FAM210A: variants seen among roughly 807,000 people sequenced by gnomAD.
FAM210A encodes mitochondrial inner membrane scaffold 1, also known as family with sequence similarity 210 member A.
A neutral mutation model predicts 25.3 loss-of-function variants in FAM210A; 13 were observed. The ratio of observed to expected loss-of-function variants is 0.51; its 90% CI spans 0.33 to 0.82. The LOEUF (loss-of-function observed/expected upper bound fraction) is 0.82. FAM210A is among the 40% of genes least tolerant of loss of function. The probability of loss-of-function intolerance (pLI) is 0.02; values close to 1 mark genes in which losing one functional copy is unlikely to be tolerated. For synonymous variants in FAM210A, 125 were observed against 118.7 expected (o/e 1.05, Z -0.35); for missense variants, 319 against 323.2 (o/e 0.99, Z 0.10).
chr18:13,681,586 C>T lies in FAM210A; in HGVS notation c.473+19G>A. Reference sequence around the variant, plus strand: ...TTCTGGTAAGACAGGGAAAGACATTCAACTAAGCAAAAACTTACTTCAAGG... The same window carrying T: ...TTCTGGTAAGACAGGGAAAGACATTTAACTAAGCAAAAACTTACTTCAAGG... On this transcript the variant is annotated intron_variant, in intron 2 of 3. Coordinates refer to ENST00000651643, the MANE Select transcript of FAM210A (RefSeq NM_152352.4). 1.3e-6 allele frequency: 2 copies of T among 1,555,342 alleles called. No individual in the cohort carries two copies. Among genetic ancestry groups the T allele is most frequent in the Non-Finnish European group, 1.7e-6 (2 of 1,150,606 alleles).
intron 1 of FAM210A, among the ~76,000 whole-genome samples, chr18:13,708,719 G>A (rs921007006): frequency 1.3e-5 from 2 of 152,112 alleles, no homozygotes; most frequent in African/African-American, 4.8e-5. Context: ...ATCTGATACT[G>A]CTCCACAAGT....
chr18:13,701,520 A>G (rs1019975356), intron 1 of FAM210A, among the ~76,000 whole-genome samples: 1 of 152,114 alleles, frequency 6.6e-6, no homozygotes, highest in Non-Finnish European at 1.5e-5. Flanking sequence ...GTGTTTAAGT[A>G]GGGGCAAAAA....
intron 1 of FAM210A, among the ~76,000 whole-genome samples, chr18:13,683,887 A>T (rs1185584879): frequency 6.6e-6 from 1 of 152,224 alleles, no homozygotes; most frequent in African/African-American, 2.4e-5. Context: ...TCTGGTGTAC[A>T]AAGTTGACTG....
intron 1 of FAM210A, among the ~76,000 whole-genome samples, chr18:13,709,858 C>T (rs2043808240): frequency 6.6e-6 from 1 of 152,164 alleles, no homozygotes; most frequent in Non-Finnish European, 1.5e-5. Flanking sequence ...TTTCTACTGC[C>T]ATTCTCTTTC....
Position 13,666,392 on chromosome 18 carries a change from C to CA in FAM210A, c.*87dup. ...GAACTAGTATATTTCGGCAACTAAC[C>CA]AAAAAAATAATCAGACACATGTATC... On this transcript the variant is annotated 3_prime_UTR_variant, in exon 4 of 4. Coordinates refer to ENST00000651643, the MANE Select transcript of FAM210A (RefSeq NM_152352.4). 3 of 1,111,226 alleles carry CA rather than the reference C, an allele frequency of 2.7e-6. No homozygotes were observed. Among genetic ancestry groups the CA allele is most frequent in the South Asian group, 1.6e-5 (1 of 63,166 alleles). The allele number at this position is 1,111,226 out of a possible 1,614,324, so 68.8% of individuals were successfully genotyped here.
intron 1 of FAM210A, among the ~76,000 whole-genome samples, chr18:13,696,958 G>C (rs376111153): frequency 6.6e-6 from 1 of 152,262 alleles, no homozygotes; most frequent in South Asian, 2.1e-4. Flanking sequence ...CTCTGGTATA[G>C]GTGTATCATT....
intron 1 of FAM210A, among the ~76,000 whole-genome samples, chr18:13,688,755 T>A (rs557022134): frequency 6.6e-6 from 1 of 152,368 alleles, no homozygotes; most frequent in East Asian, 1.9e-4. Flanking sequence ...AAGGCAGCAC[T>A]GTATCATGGC....
At chr18:13,693,384 A>ACT (rs1327444933) in intron 1 of FAM210A, among the ~76,000 whole-genome samples, 8 of 152,350 alleles carry the variant, frequency 5.3e-5, no homozygotes, top group African/African-American at 1.9e-4. Flanking sequence ...ATCCTCCCTA[A>ACT]CTCATTTTAT....
chr18:13,724,276 T>C (rs946843766), intron 1 of FAM210A, among the ~76,000 whole-genome samples: 8 of 152,200 alleles, frequency 5.3e-5, no homozygotes, highest in Middle Eastern at 3.2e-3. Flanking sequence ...GAGTATGATC[T>C]TCTAGCCAGC....
Position 13,701,189 on chromosome 18 carries a change from T to C in FAM210A, c.-28-19084A>G, listed in dbSNP as rs1234525528. Among the ~76,000 whole-genome samples, 7 of 152,330 alleles carry C rather than the reference T, an allele frequency of 4.6e-5. No individual in the cohort carries two copies. The East Asian group carries it at 1.4e-3, about 29-fold the overall frequency. ...ACCTGCTGGACCCACTTGTGTCCTT[T>C]GATCCCTCAGAGCAGCTGGGGATCA... On this transcript the variant is annotated intron_variant, in intron 1 of 3. Transcript: ENST00000651643.
chr18:13,712,401 T>A (rs1044412174), intron 1 of FAM210A, among the ~76,000 whole-genome samples: 1 of 152,234 alleles, frequency 6.6e-6, no homozygotes, highest in African/African-American at 2.4e-5. Context: ...GACAGTCATG[T>A]TAAAGACATT....
At chr18:13,694,975 A>C (rs1419283391) in intron 1 of FAM210A, among the ~76,000 whole-genome samples, 2 of 152,228 alleles carry the variant, frequency 1.3e-5, no homozygotes, top group Non-Finnish European at 2.9e-5. Context: ...CCATCTGACA[A>C]AGGGCTAATA....
At chr18:13,709,463 C>T (rs902490562) in intron 1 of FAM210A, among the ~76,000 whole-genome samples, 11 of 152,166 alleles carry the variant, frequency 7.2e-5, no homozygotes, top group Admixed American at 1.3e-4. Context: ...CCAACTGCTT[C>T]GCCTCCTGGA....
At chr18:13,709,797 C>T (rs923930018) in intron 1 of FAM210A, among the ~76,000 whole-genome samples, 4 of 152,172 alleles carry the variant, frequency 2.6e-5, no homozygotes, top group Non-Finnish European at 5.9e-5. Flanking sequence ...AAACTATTCC[C>T]TCCTCCCTTT....
At chr18:13,684,551 G>A (rs1408298970) in intron 1 of FAM210A, among the ~76,000 whole-genome samples, 1 of 152,072 alleles carries the variant, frequency 6.6e-6, no homozygotes, top group South Asian at 2.1e-4. Flanking sequence ...CCTAACGAGA[G>A]GATCAAAATA....
chr18:13,719,708 G>A (rs2149071657), intron 1 of FAM210A, among the ~76,000 whole-genome samples: 1 of 136,904 alleles, frequency 7.3e-6, no homozygotes, highest in Non-Finnish European at 1.5e-5. Flanking sequence ...TCAAACTTCT[G>A]CTCTGGTTTA....
intron 1 of FAM210A, among the ~76,000 whole-genome samples, chr18:13,692,137 T>C (rs1601954171): frequency 6.6e-6 from 1 of 150,588 alleles, no homozygotes; most frequent in Non-Finnish European, 1.5e-5. Context: ...CCAACAAAGA[T>C]CAAAAGAGAC....
At chr18:13,688,437 C>T (rs545859651) in intron 1 of FAM210A, among the ~76,000 whole-genome samples, 1 of 144,712 alleles carries the variant, frequency 6.9e-6, no homozygotes, top group Admixed American at 7.1e-5. Flanking sequence ...ACTTCAGAGA[C>T]GATGGCTGCA....
At chr18:13,694,088 A>G (rs892537488) in intron 1 of FAM210A, among the ~76,000 whole-genome samples, 3 of 152,244 alleles carry the variant, frequency 2.0e-5, no homozygotes, top group Admixed American at 6.5e-5. Flanking sequence ...ATAACAGACA[A>G]ACAGAATGCC....
Sources: gnomAD v4.1 joint callset for allele counts (sites outside exome capture counted in the v4.1 genomes callset) on GRCh38, gnomAD v4.1.1 for gene constraint, MANE v1.5 for transcripts, NCBI Gene and HGNC (gene_info 2026-07-23, HGNC 2026-07-21) for gene names.